Variants in SGCZ observed in about 807,000 individuals in gnomAD.
The protein encoded by SGCZ is sarcoglycan zeta.
A neutral mutation model predicts 41.3 loss-of-function variants in SGCZ; 40 were observed. That is an observed-to-expected ratio of 0.97 (90% confidence interval 0.75 to 1.26). SGCZ has a LOEUF of 1.26. Among genes scored for constraint, SGCZ ranks in the 50% most tolerant of loss-of-function variants. The pLI is 0.00. For missense variants in SGCZ, 552 were observed against 369.8 expected (o/e 1.49, Z -4.04); for synonymous variants, 206 against 137.5 (o/e 1.50, Z -3.49).
intron 1 of SGCZ, among the ~76,000 whole-genome samples, chr8:14,928,534 C>G (rs1441854981): frequency 6.6e-6 from 1 of 152,068 alleles, no homozygotes; most frequent in South Asian, 2.1e-4. Flanking sequence ...TTACAATTTG[C>G]CTCTAAATTT....
At chr8:14,350,629 G>A (rs991951815) in intron 2 of SGCZ, among the ~76,000 whole-genome samples, 3 of 151,988 alleles carry the variant, frequency 2.0e-5, no homozygotes, top group Non-Finnish European at 2.9e-5. Context: ...CCACTCTGAA[G>A]GTCAATTACT....
chr8:14,456,281 G>A (rs772678438), intron 2 of SGCZ, among the ~76,000 whole-genome samples: 32 of 152,182 alleles, frequency 2.1e-4, no homozygotes, highest in African/African-American at 4.6e-4. Flanking sequence ...GGTGGTGCAC[G>A]CCTATAATCC....
At chr8:14,708,252 A>T (rs1809394506) in intron 1 of SGCZ, among the ~76,000 whole-genome samples, 1 of 152,014 alleles carries the variant, frequency 6.6e-6, no homozygotes, top group Non-Finnish European at 1.5e-5. Flanking sequence ...TAGTACATTC[A>T]ATTTCTTCAC....
chr8:14,590,717 A>G (rs1376761148), intron 1 of SGCZ, among the ~76,000 whole-genome samples: 1 of 148,482 alleles, frequency 6.7e-6, no homozygotes, highest in Non-Finnish European at 1.5e-5. Context: ...AGTATATACT[A>G]TATGTACTAT....
At chr8:14,360,726 T>C (rs1339833873) in intron 2 of SGCZ, among the ~76,000 whole-genome samples, 1 of 152,218 alleles carries the variant, frequency 6.6e-6, no homozygotes, top group African/African-American at 2.4e-5. Flanking sequence ...AAATTGTTTC[T>C]AGGTTTTAGC....
chr8:14,193,453 A>G (rs932295706), intron 4 of SGCZ, among the ~76,000 whole-genome samples: 2 of 152,076 alleles, frequency 1.3e-5, no homozygotes, highest in Non-Finnish European at 2.9e-5. Context: ...TGGTTTAATC[A>G]TACCTTTCAA....
intron 1 of SGCZ, among the ~76,000 whole-genome samples, chr8:15,178,221 A>AT (rs201821004): frequency 1.0e-4 from 15 of 150,422 alleles, no homozygotes; most frequent in African/African-American, 2.2e-4. Flanking sequence ...TTCTTTGAGA[A>AT]TTTTTTTTTT....
intron 2 of SGCZ, among the ~76,000 whole-genome samples, chr8:14,449,889 C>T (rs6530777): frequency 6.6e-6 from 1 of 152,036 alleles, no homozygotes; most frequent in South Asian, 2.1e-4. Flanking sequence ...TCTTCACCAT[C>T]GTAAACAAAG....
chr8:14,823,053 C>CAAAAAAAAAA (rs1287129558), intron 1 of SGCZ, among the ~76,000 whole-genome samples: 1 of 69,396 alleles, frequency 1.4e-5, no homozygotes, highest in Non-Finnish European at 2.2e-5. Flanking sequence ...CACCAATCCT[C>CAAAAAAAAAA]ATAAAAAAAA....
At chr8:14,245,951 G>A (rs1373795094) in intron 3 of SGCZ, among the ~76,000 whole-genome samples, 1 of 152,150 alleles carries the variant, frequency 6.6e-6, no homozygotes, top group Admixed American at 6.5e-5. Context: ...GAAGCAACAG[G>A]TGCTGGAGAG....
chr8:14,360,360 G>A (rs1276224810), intron 2 of SGCZ, among the ~76,000 whole-genome samples: 1 of 150,788 alleles, frequency 6.6e-6, no homozygotes, highest in Non-Finnish European at 1.5e-5. Flanking sequence ...TTGAGACAGT[G>A]TCTTGCTCTA....
At chr8:14,308,026 C>A (rs919255723) in intron 3 of SGCZ, among the ~76,000 whole-genome samples, 8 of 151,986 alleles carry the variant, frequency 5.3e-5, no homozygotes, top group Admixed American at 4.6e-4. Flanking sequence ...AAGGAAAGAA[C>A]TTTCATACGA....
At chr8:14,664,476 G>C (rs576642873) in intron 1 of SGCZ, among the ~76,000 whole-genome samples, 2 of 152,296 alleles carry the variant, frequency 1.3e-5, no homozygotes, top group African/African-American at 4.8e-5. Flanking sequence ...GTTTAGCAGA[G>C]TATATAGGAA....
intron 1 of SGCZ, among the ~76,000 whole-genome samples, chr8:14,958,178 A>C (rs1237711708): frequency 6.6e-6 from 1 of 152,012 alleles, no homozygotes; most frequent in Non-Finnish European, 1.5e-5. Context: ...TTTTACAAAC[A>C]AAAAGAGTAA....
At chr8:14,308,269 C>G (rs1585344908) in intron 3 of SGCZ, among the ~76,000 whole-genome samples, 1 of 151,728 alleles carries the variant, frequency 6.6e-6, no homozygotes, top group Admixed American at 6.6e-5. Context: ...TGAAAGCGCA[C>G]GGAAAGGTGA....
intron 1 of SGCZ, among the ~76,000 whole-genome samples, chr8:15,049,117 A>T (rs10089292): frequency 0.021 from 3,181 of 152,284 alleles, 127 homozygotes; most frequent in African/African-American, 0.072. Flanking sequence ...CACAATCGTG[A>T]ATATAAAGGA....
At chr8:15,182,324 G>A (rs1052832118) in intron 1 of SGCZ, among the ~76,000 whole-genome samples, 2 of 151,974 alleles carry the variant, frequency 1.3e-5, no homozygotes, top group African/African-American at 2.4e-5. Context: ...CCTTAACAAT[G>A]GGCATACGTT....
At chr8:15,145,956 A>G (rs2117007374) in intron 1 of SGCZ, among the ~76,000 whole-genome samples, 1 of 152,298 alleles carries the variant, frequency 6.6e-6, no homozygotes, top group Admixed American at 6.5e-5. Context: ...AAAGGCAAAG[A>G]GAATGGGTGA....
chr8:14,437,164 T>C (rs1158974229), intron 2 of SGCZ, among the ~76,000 whole-genome samples: 2 of 152,196 alleles, frequency 1.3e-5, no homozygotes, highest in Non-Finnish European at 2.9e-5. Context: ...ACAAAATTTT[T>C]AAAATTTCCA....
Sources: allele counts gnomAD v4.1 joint callset (sites outside exome capture counted in the v4.1 genomes callset), GRCh38; gene constraint gnomAD v4.1.1; transcripts MANE v1.5; gene names NCBI Gene and HGNC (gene_info 2026-07-23, HGNC 2026-07-21).